Variants in SEMA6D observed in about 807,000 individuals in gnomAD.
SEMA6D encodes the protein semaphorin 6D.
A neutral mutation model predicts 106.6 loss-of-function variants in SEMA6D; 35 were observed. That is an observed-to-expected ratio of 0.33 (90% CI 0.25 to 0.44). The LOEUF (loss-of-function observed/expected upper bound fraction) is 0.44. Ranked by LOEUF, SEMA6D falls within the 20% of genes least tolerant of loss-of-function variation. The pLI is 1.00. For missense variants in SEMA6D, 1,185 were observed against 1,345.9 expected, an observed-to-expected ratio of 0.88 and a Z score of 1.87; for synonymous variants, 499 against 487.7, an observed-to-expected ratio of 1.02 and a Z score of -0.31.
chr15:47,565,399 T>C (rs2046201053), intron 3 of SEMA6D, among the ~76,000 whole-genome samples: 1 of 152,226 alleles, frequency 6.6e-6, no homozygotes, highest in South Asian at 2.1e-4. Context: ...CCAGCACTCA[T>C]GTACTCCAGT....
intron 1 of SEMA6D, chr15:47,185,521 G>A (rs1893505445): frequency 6.6e-6 from 1 of 151,984 alleles, no homozygotes; most frequent in Non-Finnish European, 1.5e-5. Context: ...TTTTTAGAAT[G>A]TGCATTTATT....
intron 3 of SEMA6D, among the ~76,000 whole-genome samples, chr15:47,563,812 G>C (rs989676417): frequency 3.9e-5 from 6 of 152,134 alleles, no homozygotes; most frequent in Admixed American, 2.0e-4. Flanking sequence ...CATTTACATA[G>C]GTTATGTATC....
At chr15:47,755,397 A>G (rs1334609388) in intron 1 of SEMA6D, among the ~76,000 whole-genome samples, 1 of 151,748 alleles carries the variant, frequency 6.6e-6, no homozygotes, top group Non-Finnish European at 1.5e-5. Flanking sequence ...CTGTGGGCCT[A>G]TTTCTATTGT....
chr15:47,379,770 G>A (rs957202374), intron 1 of SEMA6D, among the ~76,000 whole-genome samples: 7 of 152,092 alleles, frequency 4.6e-5, no homozygotes, highest in Admixed American at 2.0e-4. Flanking sequence ...ATTTAATTTT[G>A]TTTTGAGATG....
intron 4 of SEMA6D, among the ~76,000 whole-genome samples, chr15:47,630,440 T>C (rs927162431): frequency 1.3e-5 from 2 of 151,904 alleles, no homozygotes; most frequent in African/African-American, 2.4e-5. Flanking sequence ...AATGAGATGA[T>C]TTTTGTGTCC....
intron 4 of SEMA6D, among the ~76,000 whole-genome samples, chr15:47,615,568 T>A (rs1343469213): frequency 6.6e-6 from 1 of 152,214 alleles, no homozygotes; most frequent in African/African-American, 2.4e-5. Flanking sequence ...GTTTTAGGGT[T>A]TTGTTTTTCA....
intron 4 of SEMA6D, among the ~76,000 whole-genome samples, chr15:47,617,617 T>C (rs1313135572): frequency 6.6e-6 from 1 of 152,192 alleles, no homozygotes; most frequent in African/African-American, 2.4e-5. Context: ...GAACATTCTC[T>C]CTTTCTTTGA....
At chr15:47,485,050 G>T (rs912232426) in intron 3 of SEMA6D, among the ~76,000 whole-genome samples, 7 of 152,180 alleles carry the variant, frequency 4.6e-5, no homozygotes, top group African/African-American at 1.7e-4. Flanking sequence ...AATGATTTAT[G>T]AATACTTACG....
chr15:47,465,673 CTCTT>C (rs1029384833), intron 2 of SEMA6D, among the ~76,000 whole-genome samples: 3 of 152,108 alleles, frequency 2.0e-5, no homozygotes, highest in African/African-American at 4.8e-5. Context: ...CTCCTTCTCT[CTCTT>C]CCTCCTTCTC....
intron 4 of SEMA6D, among the ~76,000 whole-genome samples, chr15:47,680,386 G>A (rs986921872): frequency 6.6e-6 from 1 of 152,078 alleles, no homozygotes; most frequent in African/African-American, 2.4e-5. Flanking sequence ...GGGTCACTTC[G>A]TTTATGAATC....
intron 3 of SEMA6D, among the ~76,000 whole-genome samples, chr15:47,509,455 C>T (rs1016279836): frequency 6.6e-6 from 1 of 152,094 alleles, no homozygotes; most frequent in Non-Finnish European, 1.5e-5. Flanking sequence ...CTGTTGTCAG[C>T]CCCTTCTTGG....
At chr15:47,502,178 A>T (rs930472670) in intron 3 of SEMA6D, among the ~76,000 whole-genome samples, 1 of 152,214 alleles carries the variant, frequency 6.6e-6, no homozygotes, top group African/African-American at 2.4e-5. Flanking sequence ...CCATAAAAAA[A>T]ATCACACTTA....
At chr15:47,448,369 G>C (rs1280042367) in intron 2 of SEMA6D, among the ~76,000 whole-genome samples, 1 of 112,582 alleles carries the variant, frequency 8.9e-6, no homozygotes, top group Non-Finnish European at 1.7e-5. Context: ...AAATTGTCTT[G>C]TGAGGCTTCA....
At chr15:47,621,204 A>C (rs2077091717) in intron 4 of SEMA6D, among the ~76,000 whole-genome samples, 1 of 152,188 alleles carries the variant, frequency 6.6e-6, no homozygotes, top group Admixed American at 6.5e-5. Context: ...CTACAACAGC[A>C]GGTGAGAACC....
chr15:47,599,242 C>T (rs2076596370), intron 3 of SEMA6D, among the ~76,000 whole-genome samples: 1 of 152,124 alleles, frequency 6.6e-6, no homozygotes, highest in African/African-American at 2.4e-5. Flanking sequence ...TCTGAGGTAA[C>T]ATCAGAGTAA....
intron 4 of SEMA6D, among the ~76,000 whole-genome samples, chr15:47,637,433 C>T (rs568150386): frequency 3.3e-5 from 5 of 152,254 alleles, no homozygotes; most frequent in African/African-American, 1.2e-4. Flanking sequence ...ATTAGGGCTC[C>T]AAGGTAAGTC....
At chr15:47,251,338 A>G (rs991477538) in intron 1 of SEMA6D, among the ~76,000 whole-genome samples, 1 of 152,096 alleles carries the variant, frequency 6.6e-6, no homozygotes, top group East Asian at 1.9e-4. Context: ...TGTAAGTTCT[A>G]CTCATGAATC....
chr15:47,468,662 T>C (rs1351032120), intron 2 of SEMA6D, among the ~76,000 whole-genome samples: 1 of 152,216 alleles, frequency 6.6e-6, no homozygotes, highest in East Asian at 1.9e-4. Flanking sequence ...TATTTTGCTG[T>C]TGACAGGCTG....
intron 1 of SEMA6D, among the ~76,000 whole-genome samples, chr15:47,196,245 GTTC>G (rs1282959213): frequency 2.6e-5 from 4 of 152,156 alleles, no homozygotes; most frequent in Non-Finnish European, 4.4e-5. Flanking sequence ...ACTCAGAACT[GTTC>G]TCAAGGCGTT....
Sources: allele counts gnomAD v4.1 joint callset (sites outside exome capture counted in the v4.1 genomes callset), GRCh38; gene constraint gnomAD v4.1.1; transcripts MANE v1.5; gene names NCBI Gene and HGNC (gene_info 2026-07-23, HGNC 2026-07-21).